The following RMDN2 variants were observed in gnomAD, a reference collection of about 807,000 sequenced individuals.
The protein encoded by RMDN2 is regulator of microtubule dynamics protein 2.
Under a neutral mutation model 52.8 loss-of-function variants are expected in RMDN2, and 61 were observed. The observed-to-expected ratio is 1.16, with a 90% CI of 0.94 to 1.43. RMDN2 has a LOEUF of 1.43. Among genes scored for constraint, RMDN2 ranks in the 40% most tolerant of loss-of-function variants. The probability of loss-of-function intolerance (pLI) is 0.00; values close to 1 mark genes in which losing one functional copy is unlikely to be tolerated. For missense variants in RMDN2, 592 were observed against 475.3 expected (o/e 1.25, Z -2.28); for synonymous variants, 180 against 153.1 (o/e 1.18, Z -1.30).
intron 10 of RMDN2, among the ~76,000 whole-genome samples, chr2:38,011,376 G>A (rs1336491735): frequency 3.3e-5 from 5 of 152,146 alleles, no homozygotes; most frequent in African/African-American, 1.2e-4. Flanking sequence ...GTTGACTGGT[G>A]TTGTGGGAAC....
chr2:38,046,753 G>C (rs569625981), intron 10 of RMDN2, among the ~76,000 whole-genome samples: 1 of 152,304 alleles, frequency 6.6e-6, no homozygotes, highest in South Asian at 2.1e-4. Context: ...GGGAGGCCGA[G>C]CTGGGTGGAT....
intron 4 of RMDN2, among the ~76,000 whole-genome samples, chr2:37,978,900 T>C (rs1011740997): frequency 3.3e-5 from 5 of 152,180 alleles, no homozygotes; most frequent in African/African-American, 9.7e-5. Flanking sequence ...GTCTTTCTTA[T>C]GGAAGTTACA....
intron 8 of RMDN2, among the ~76,000 whole-genome samples, chr2:38,003,676 A>C (rs1324957009): frequency 6.6e-6 from 1 of 151,418 alleles, no homozygotes; most frequent in East Asian, 1.9e-4. Flanking sequence ...TTGTTCTTGA[A>C]AAGAAAAGGA....
intron 10 of RMDN2, among the ~76,000 whole-genome samples, chr2:38,056,641 C>T (rs1179493804): frequency 2.6e-5 from 4 of 152,144 alleles, no homozygotes; most frequent in African/African-American, 9.7e-5. Context: ...AAACTTATTT[C>T]AGGGTGTCCC....
At chr2:38,002,156 A>C (rs1472979418) in intron 8 of RMDN2, among the ~76,000 whole-genome samples, 2 of 152,274 alleles carry the variant, frequency 1.3e-5, no homozygotes, top group East Asian at 3.9e-4. Context: ...GTGCCCTTAT[A>C]AGGTGTTGGA....
intron 10 of RMDN2, among the ~76,000 whole-genome samples, chr2:38,057,103 T>C (rs150832032): frequency 1.3e-5 from 2 of 152,324 alleles, no homozygotes; most frequent in African/African-American, 4.8e-5. Flanking sequence ...TAGAAGTGAT[T>C]TGTCAACCAT....
At chr2:38,024,376 T>C (rs1679617096) in intron 10 of RMDN2, among the ~76,000 whole-genome samples, 1 of 152,202 alleles carries the variant, frequency 6.6e-6, no homozygotes, top group South Asian at 2.1e-4. Context: ...AAAGTGGTTT[T>C]ACCATTTCAC....
chr2:37,953,434 C>T (rs982097010), intron 2 of RMDN2, among the ~76,000 whole-genome samples: 6 of 151,986 alleles, frequency 3.9e-5, no homozygotes, highest in East Asian at 1.9e-4. Context: ...TAAGTGGAAT[C>T]GTATGGTATT....
At chr2:37,990,142 G>GA (rs71400335) in intron 6 of RMDN2, among the ~76,000 whole-genome samples, 1,199 of 16,746 alleles carry the variant, frequency 0.072, 10 homozygotes, top group Middle Eastern at 0.1. Context: ...GACTCCGTCT[G>GA]AAAAAAAAAA....
chr2:38,031,950 T>A (rs1680238764), intron 10 of RMDN2, among the ~76,000 whole-genome samples: 2 of 152,098 alleles, frequency 1.3e-5, no homozygotes, highest in Admixed American at 1.3e-4. Flanking sequence ...CAAAGCAGAT[T>A]GTGCACAACA....
chr2:37,987,887 C>CA (rs35858999), intron 5 of RMDN2, among the ~76,000 whole-genome samples: 61,543 of 151,670 alleles, frequency 0.41, 13,718 homozygotes, highest in East Asian at 0.77. Context: ...GGTGAAATCC[C>CA]ATCTCTACTA....
At chr2:37,986,570 A>G (rs537917270) in intron 5 of RMDN2, among the ~76,000 whole-genome samples, 1 of 152,262 alleles carries the variant, frequency 6.6e-6, no homozygotes, top group South Asian at 2.1e-4. Context: ...CAATGTGTAA[A>G]AAGAATTATA....
At chr2:37,981,196 A>C in intron 4 of RMDN2, 87 bp from the exon 5 acceptor site, 2 of 858,614 alleles carry the variant, frequency 2.3e-6, no homozygotes, top group Non-Finnish European at 4.0e-6. Flanking sequence ...TCTTGGGACC[A>C]TACTTTGTGA....
chr2:37,974,874 A>T (rs1672262268), intron 3 of RMDN2: 1 of 239,634 alleles, frequency 4.2e-6, no homozygotes, highest in African/African-American at 2.3e-5. Flanking sequence ...TTGATAATAG[A>T]TAACTTGGAA....
rs1678982489 is a variant in RMDN2, at chr2:38,017,610, G to A, written c.*371G>A. 8.2e-7 allele frequency: 1 copy of A among 1,216,836 alleles called. No homozygotes were observed. The highest frequency in any genetic ancestry group is 1.1e-6 in the Non-Finnish European group (1 of 926,322). The allele number at this position is 1,216,836 out of a possible 1,614,324, so 75.4% of individuals were successfully genotyped here. A position where few individuals can be genotyped will look rare whatever the true frequency, so the allele number is the denominator to read the frequency against. On this transcript the variant is annotated 3_prime_UTR_variant, in exon 11 of 11. Transcript: ENST00000354545. ...AAGACAAAATAATTTCATTAATGTGGATGAAAAATGGAAAACTCAGCAAAG... is the reference window on the plus strand; with the variant it reads ...AAGACAAAATAATTTCATTAATGTGAATGAAAAATGGAAAACTCAGCAAAG...
downstream of RMDN2, among the ~76,000 whole-genome samples, chr2:38,020,470 C>T (rs1252422735): frequency 6.6e-6 from 1 of 152,216 alleles, no homozygotes; most frequent in Admixed American, 6.5e-5. Context: ...CTGAGCTGGC[C>T]AAGGCCGGAG....
chr2:37,953,909 A>T (rs929250787), intron 2 of RMDN2, among the ~76,000 whole-genome samples: 1 of 152,024 alleles, frequency 6.6e-6, no homozygotes, highest in Non-Finnish European at 1.5e-5. Flanking sequence ...ATGAGGTGGT[A>T]TCTCATTGTG....
chr2:37,960,666 G>A (rs6726599), intron 2 of RMDN2, among the ~76,000 whole-genome samples: 2,125 of 152,154 alleles, frequency 0.014, 42 homozygotes, highest in African/African-American at 0.044. Context: ...GTGTCTTTTA[G>A]TTGGGGCACT....
At position 37,952,104 on chromosome 2, in the gene RMDN2, C is replaced by G. The variant is rs762682722; in HGVS notation, c.453-21936C>G. The G allele has an allele frequency of 2.0e-5, 33 of 1,613,160 alleles. No homozygotes were observed. The South Asian group carries it at 3.3e-4, about 16-fold the overall frequency. On this transcript the variant is annotated intron_variant, in intron 2 of 10. Transcript: ENST00000354545. ...AAATTCTGGTTGCTTTATCCCACCT[C>G]AAAGCGAATTAACTTCAGGCCTGTT...
Sources: gnomAD v4.1 joint callset for allele counts (sites outside exome capture counted in the v4.1 genomes callset) on GRCh38, gnomAD v4.1.1 for gene constraint, MANE v1.5 for transcripts, NCBI Gene and HGNC (gene_info 2026-07-23, HGNC 2026-07-21) for gene names.